ARMC9: variants seen among roughly 807,000 people sequenced by gnomAD.
ARMC9 encodes the protein lisH domain-containing protein ARMC9.
A neutral mutation model predicts 107.0 loss-of-function variants in ARMC9; 94 were observed. The observed-to-expected ratio is 0.88, with a 90% CI of 0.74 to 1.04. The LOEUF (loss-of-function observed/expected upper bound fraction) is 1.04, where lower values mean the gene tolerates loss of function less well. Ranked by LOEUF, ARMC9 falls within the 50% of genes least tolerant of loss-of-function variation. The probability of loss-of-function intolerance (pLI) is 0.00; values close to 1 mark genes in which losing one functional copy is unlikely to be tolerated. For synonymous variants in ARMC9, 380 were observed against 396.9 expected (o/e 0.96, Z 0.51); for missense variants, 942 against 1,030.1 (o/e 0.91, Z 1.17).
intron 11 of ARMC9, 105 bp downstream of exon 11, chr2:231,259,207 C>T: frequency 4.0e-6 from 4 of 991,084 alleles, no homozygotes; most frequent in Non-Finnish European, 5.9e-6. Context: ...AGAAATCTTT[C>T]TTCCCCGCTG....
chr2:231,278,252 T>C (rs1489095306), intron 15 of ARMC9, 130 bp from the exon 16 acceptor site: 1 of 817,844 alleles, frequency 1.2e-6, no homozygotes, highest in Non-Finnish European at 2.1e-6. Flanking sequence ...TCACCCGAGG[T>C]CATACAGCTC....
intron 16 of ARMC9, among the ~76,000 whole-genome samples, chr2:231,280,515 AT>A (rs1170871881): frequency 1.3e-5 from 2 of 152,094 alleles, no homozygotes; most frequent in African/African-American, 4.8e-5. Flanking sequence ...TGACATATAT[AT>A]ATACATATAT....
At chr2:231,208,316 G>A in intron 3 of ARMC9, 64 bp downstream of exon 3, 1 of 1,314,506 alleles carries the variant, frequency 7.6e-7, no homozygotes, top group East Asian at 2.3e-5. Flanking sequence ...TGTGGAAAAT[G>A]CTGCTGTTGG....
chr2:231,246,487 A>G (rs949852835), intron 9 of ARMC9, among the ~76,000 whole-genome samples: 9 of 152,202 alleles, frequency 5.9e-5, no homozygotes, highest in Non-Finnish European at 1.3e-4. Flanking sequence ...TAATTTGCTT[A>G]GGATGATGGC....
intron 19 of ARMC9, among the ~76,000 whole-genome samples, chr2:231,314,063 T>G (rs2042517952): frequency 6.6e-6 from 1 of 150,866 alleles, no homozygotes; most frequent in Non-Finnish European, 1.5e-5. Flanking sequence ...CCAGCCATCT[T>G]TTCTTTTTTT....
At chr2:231,330,433 C>T (rs1171109880) in intron 19 of ARMC9, among the ~76,000 whole-genome samples, 1 of 152,134 alleles carries the variant, frequency 6.6e-6, no homozygotes, top group East Asian at 1.9e-4. Context: ...GAGAGTGCCC[C>T]GTCACTCACT....
At chr2:231,330,805 G>T (rs965088887) in intron 19 of ARMC9, among the ~76,000 whole-genome samples, 1 of 132,136 alleles carries the variant, frequency 7.6e-6, no homozygotes, top group Non-Finnish European at 1.5e-5. Context: ...AAGGAAGCAG[G>T]CTTTGGGTAA....
intron 3 of ARMC9, among the ~76,000 whole-genome samples, chr2:231,209,374 C>T (rs1200920303): frequency 2.0e-5 from 3 of 152,108 alleles, no homozygotes; most frequent in African/African-American, 4.8e-5. Flanking sequence ...GAGTGAGACC[C>T]TGTCTCCAAA....
intron 12 of ARMC9, among the ~76,000 whole-genome samples, chr2:231,264,736 A>G (rs1574861007): frequency 6.6e-6 from 1 of 151,412 alleles, no homozygotes; most frequent in South Asian, 2.1e-4. Context: ...ACCTCGGGTG[A>G]TCCGCCCGCC....
At chr2:231,277,463 A>G (rs553685590) in intron 15 of ARMC9, among the ~76,000 whole-genome samples, 8 of 151,900 alleles carry the variant, frequency 5.3e-5, no homozygotes, top group African/African-American at 1.7e-4. Flanking sequence ...CTTCCCCTCT[A>G]TATACTTTGT....
chr2:231,214,959 C>G lies in ARMC9; in HGVS notation c.306C>G (p.Ile102Met), dbSNP rs1559297798. The change falls in exon 4 of 25, where the codon ATC (isoleucine) becomes ATG (methionine). Residue 102 changes from isoleucine (I) to methionine (M), a missense_variant. Physicochemically the swap from Ile to Met is conservative, Grantham distance 10 (BLOSUM62 1). Transcript: ENST00000611582. ...AGAAGCTGGAATTCTATCTCCACAT[C>G]CATTTTGCCATCTATCTTTTGAAGT... ...FAQKLEFYLH[I>M]HFAIYLLKYS... 1 of 1,614,098 alleles carries G rather than the reference C, an allele frequency of 6.2e-7. No individual in the cohort carries two copies. The highest frequency in any genetic ancestry group is 8.5e-7 in the Non-Finnish European group (1 of 1,180,018).
At position 231,370,127 on chromosome 2, in the gene ARMC9, T is replaced by TA; in HGVS notation, c.2434+4dup. On this transcript the variant is annotated splice_region_variant and intron_variant, in intron 24 of 24. Coordinates refer to ENST00000611582, the MANE Select transcript of ARMC9 (RefSeq NM_001352754.2). ...CGTCCTCCACAAGGGGCCTGCCGAG[T>TA]AAGTCAGCCTGGGCCCCACTGGCGT... is the stretch of plus-strand genomic sequence containing the variant. The TA allele has an allele frequency of 6.6e-7, 1 of 1,521,942 alleles. No individual in the cohort carries two copies. Among genetic ancestry groups the TA allele is most frequent in the Non-Finnish European group, 8.8e-7 (1 of 1,138,124 alleles). The allele number at this position is 1,521,942 out of a possible 1,614,324, so 94.3% of individuals were successfully genotyped here.
intron 13 of ARMC9, among the ~76,000 whole-genome samples, chr2:231,271,954 A>G (rs2039358884): frequency 6.6e-6 from 1 of 151,586 alleles, no homozygotes; most frequent in Admixed American, 6.6e-5. Context: ...CACACACATT[A>G]CCCCTCATTT....
intron 21 of ARMC9, among the ~76,000 whole-genome samples, chr2:231,350,769 CAAT>C (rs1214489963): frequency 3.6e-4 from 54 of 151,718 alleles, no homozygotes; most frequent in Admixed American, 2.0e-4. Context: ...CTCCTCTTGT[CAAT>C]GATGATCTCA....
intron 16 of ARMC9, 84 bp downstream of exon 16, chr2:231,278,542 GC>G: frequency 1.6e-6 from 2 of 1,223,766 alleles, no homozygotes; most frequent in Non-Finnish European, 2.4e-6. Flanking sequence ...CACACAGCTG[GC>G]CCAGGATGGT....
At chr2:231,202,185 A>G (rs1000247842) in intron 1 of ARMC9, among the ~76,000 whole-genome samples, 4 of 151,532 alleles carry the variant, frequency 2.6e-5, no homozygotes, top group African/African-American at 7.3e-5. Flanking sequence ...TTTTTAGTAG[A>G]GATGGGGTTT....
Position 231,240,054 on chromosome 2 carries a change from G to A in ARMC9, c.879+13G>A, listed in dbSNP as rs752742688. 25 of 1,606,144 alleles carry A rather than the reference G, an allele frequency of 1.6e-5. No individual in the cohort carries two copies. The highest frequency in any genetic ancestry group is 9.0e-5 in the East Asian group (4 of 44,682). On this transcript the variant is annotated intron_variant, in intron 9 of 24. Coordinates refer to ENST00000611582, the MANE Select transcript of ARMC9 (RefSeq NM_001352754.2). ...GAGGCCTGGGACGGTGAGGCTCTGC[G>A]CTCAGGGCAGGGTGCCCGTGGTCTA... is the stretch of plus-strand genomic sequence containing the variant.
rs986993462 is a variant in ARMC9, at chr2:231,362,988, C to T, written c.2261+2105C>T. Among the ~76,000 whole-genome samples, 2 of 152,194 alleles carry T rather than the reference C, an allele frequency of 1.3e-5. No individual in the cohort carries two copies. Among genetic ancestry groups the T allele is most frequent in the South Asian group, 2.1e-4 (1 of 4,828 alleles). The stretch of plus-strand genomic sequence containing the variant: ...TGCCTCTCACTGCCTCAGAGACAAG[C>T]GCAGTGTGCAGGGCACAGAGAGCGT... On this transcript the variant is annotated intron_variant, in intron 23 of 24. Transcript: ENST00000611582. This position sits in a 1 kb window ranked among gnomAD's most constrained non-coding sequence, Gnocchi z 4.7.
chr2:231,320,794 T>G (rs901386978), intron 19 of ARMC9, among the ~76,000 whole-genome samples: 3 of 152,200 alleles, frequency 2.0e-5, no homozygotes, highest in Non-Finnish European at 4.4e-5. Flanking sequence ...TCTTGTATCA[T>G]GTGTGCATTT....
Sources: allele counts gnomAD v4.1 joint callset (sites outside exome capture counted in the v4.1 genomes callset), GRCh38; gene constraint gnomAD v4.1.1; non-coding constraint Gnocchi (gnomAD v3.1); transcripts MANE v1.5; gene names NCBI Gene and HGNC (gene_info 2026-07-23, HGNC 2026-07-21).